Variants in AUTS2 observed in about 807,000 individuals in gnomAD.
The protein encoded by AUTS2 is activator of transcription and developmental regulator AUTS2.
A neutral mutation model predicts 112.4 loss-of-function variants in AUTS2; 17 were observed. That is an observed-to-expected ratio of 0.15 (90% CI 0.10 to 0.23). AUTS2 has a LOEUF of 0.23. Ranked by LOEUF, AUTS2 falls within the 10% of genes least tolerant of loss-of-function variation. The pLI is 1.00. For missense variants in AUTS2, 1,510 were observed against 1,701.6 expected, an observed-to-expected ratio of 0.89 and a Z score of 1.98; for synonymous variants, 751 against 702.7, an observed-to-expected ratio of 1.07 and a Z score of -1.09.
At chr7:70,775,618 G>T (rs1003178491) in intron 13 of AUTS2, among the ~76,000 whole-genome samples, 4 of 151,854 alleles carry the variant, frequency 2.6e-5, no homozygotes, top group Non-Finnish European at 5.9e-5. Flanking sequence ...AAAAGTCAAC[G>T]AGTCCGATCT....
At chr7:69,813,318 T>TA (rs1213212871) in intron 1 of AUTS2, among the ~76,000 whole-genome samples, 1 of 152,210 alleles carries the variant, frequency 6.6e-6, no homozygotes, top group Admixed American at 6.5e-5. Flanking sequence ...CCTGTATTTC[T>TA]ATTGCTGGAG....
intron 2 of AUTS2, among the ~76,000 whole-genome samples, chr7:70,046,675 A>G (rs1260604436): frequency 1.3e-5 from 2 of 152,194 alleles, no homozygotes; most frequent in Non-Finnish European, 2.9e-5. Context: ...AACTTGTAGT[A>G]ATTGTCGATT....
chr7:70,528,362 C>T (rs2129496985), intron 5 of AUTS2, among the ~76,000 whole-genome samples: 1 of 152,014 alleles, frequency 6.6e-6, no homozygotes, highest in Admixed American at 6.5e-5. Flanking sequence ...GCACGCTGAG[C>T]AGGTACTGCC....
At chr7:69,923,890 A>AAT (rs1182976157) in intron 2 of AUTS2, among the ~76,000 whole-genome samples, 1 of 152,172 alleles carries the variant, frequency 6.6e-6, no homozygotes, top group African/African-American at 2.4e-5. Context: ...ATTTTTAGTG[A>AAT]ATAGAAGCAG....
intron 5 of AUTS2, among the ~76,000 whole-genome samples, chr7:70,686,985 C>T (rs538964548): frequency 9.8e-5 from 15 of 152,292 alleles, no homozygotes; most frequent in African/African-American, 2.9e-4. Flanking sequence ...TTGTGTTCTA[C>T]GCCGATCCGT....
chr7:69,899,229 G>A, intron 1 of AUTS2, 57 bp from the exon 2 acceptor site: 1 of 1,332,894 alleles, frequency 7.5e-7, no homozygotes, highest in Non-Finnish European at 1.1e-6. Flanking sequence ...TATTTTGGGT[G>A]TGACCCTAGA....
At chr7:69,832,606 C>T (rs561025133) in intron 1 of AUTS2, among the ~76,000 whole-genome samples, 1 of 152,296 alleles carries the variant, frequency 6.6e-6, no homozygotes, top group South Asian at 2.1e-4. Flanking sequence ...CATGCTGTTC[C>T]TTTAGAAGGC....
intron 1 of AUTS2, among the ~76,000 whole-genome samples, chr7:69,737,419 A>G (rs993738285): frequency 6.6e-6 from 1 of 152,138 alleles, no homozygotes; most frequent in Non-Finnish European, 1.5e-5. Flanking sequence ...GCTCAAGGCC[A>G]CCTAGCTAGT....
chr7:69,731,081 A>T (rs990880694), intron 1 of AUTS2, among the ~76,000 whole-genome samples: 5 of 152,178 alleles, frequency 3.3e-5, no homozygotes, highest in Admixed American at 6.5e-5. Flanking sequence ...GGATCACTTG[A>T]ACCCGTTTGA....
intron 2 of AUTS2, among the ~76,000 whole-genome samples, chr7:69,956,205 G>C (rs962714261): frequency 3.3e-5 from 5 of 151,808 alleles, no homozygotes; most frequent in African/African-American, 1.2e-4. Flanking sequence ...ATTCCAGGGA[G>C]TATGGGATGA....
intron 1 of AUTS2, among the ~76,000 whole-genome samples, chr7:69,602,018 G>GTA (rs765066810): frequency 0.018 from 394 of 22,362 alleles, 5 homozygotes; most frequent in African/African-American, 0.052. Flanking sequence ...ATATGTGTGT[G>GTA]TGTATATATA....
intron 5 of AUTS2, among the ~76,000 whole-genome samples, chr7:70,684,579 T>G (rs1015032378): frequency 1.4e-5 from 2 of 145,150 alleles, no homozygotes; most frequent in African/African-American, 5.2e-5. Context: ...CGTGGTATGG[T>G]GTGGCGTGGC....
intron 4 of AUTS2, among the ~76,000 whole-genome samples, chr7:70,212,865 A>G (rs1456318770): frequency 6.6e-6 from 1 of 152,048 alleles, no homozygotes; most frequent in African/African-American, 2.4e-5. Flanking sequence ...AAATGTCTCA[A>G]ACTTGGGACT....
At chr7:69,871,656 A>T (rs1037260121) in intron 1 of AUTS2, among the ~76,000 whole-genome samples, 56 of 152,298 alleles carry the variant, frequency 3.7e-4, no homozygotes, top group African/African-American at 1.3e-3. Context: ...TGTTGATCTG[A>T]TAACTGATCT....
intron 4 of AUTS2, among the ~76,000 whole-genome samples, chr7:70,391,554 G>A (rs924530241): frequency 5.3e-5 from 8 of 152,188 alleles, no homozygotes; most frequent in East Asian, 1.9e-4. Context: ...TCACAATCAC[G>A]GAGTATCTGT....
intron 2 of AUTS2, among the ~76,000 whole-genome samples, chr7:70,027,547 C>G (rs1027173023): frequency 6.6e-6 from 1 of 152,142 alleles, no homozygotes; most frequent in African/African-American, 2.4e-5. Context: ...CTGAACTAAA[C>G]TTAAGACACT....
intron 2 of AUTS2, among the ~76,000 whole-genome samples, chr7:69,914,346 CACACACACAG>C (rs1413041389): frequency 6.7e-4 from 93 of 138,946 alleles, no homozygotes; most frequent in Middle Eastern, 7.2e-3. Flanking sequence ...GACACAGACA[CACACACACAG>C]ACACACACAC....
At position 70,571,938 on chromosome 7, in the gene AUTS2, G is replaced by T. The variant is rs1366096843; in HGVS notation, c.691-126631G>T. On this transcript the variant is annotated intron_variant, in intron 5 of 18. Transcript: ENST00000342771. ...ATCCAGTCCGGTGCAGAGCAGCTTT[G>T]GGGTATTAATGACTGTGTGTTCCAC... Among the ~76,000 whole-genome samples, 4 of 152,136 alleles carry T rather than the reference G, an allele frequency of 2.6e-5. No individual in the cohort carries two copies. The South Asian group carries it at 6.2e-4, about 24-fold the overall frequency.
intron 2 of AUTS2, among the ~76,000 whole-genome samples, chr7:70,078,390 A>G (rs894032276): frequency 1.3e-5 from 2 of 152,178 alleles, no homozygotes; most frequent in Non-Finnish European, 2.9e-5. Flanking sequence ...AAATGTATTG[A>G]CGAATTGTTT....
Sources: allele counts gnomAD v4.1 joint callset (sites outside exome capture counted in the v4.1 genomes callset), GRCh38; gene constraint gnomAD v4.1.1; transcripts MANE v1.5; gene names NCBI Gene and HGNC (gene_info 2026-07-23, HGNC 2026-07-21).